ENPP1: variants seen among roughly 807,000 people sequenced by gnomAD.
ENPP1 encodes the protein ectonucleotide pyrophosphatase/phosphodiesterase 1.
Under a neutral mutation model 122.8 loss-of-function variants are expected in ENPP1, and 73 were observed. That is an observed-to-expected ratio of 0.59 (90% CI 0.49 to 0.72). The LOEUF (loss-of-function observed/expected upper bound fraction) is 0.72, where lower values mean the gene tolerates loss of function less well. ENPP1 is among the 30% of genes least tolerant of loss of function. ENPP1 has a pLI of 0.00. For synonymous variants in ENPP1, 367 were observed against 391.6 expected, an observed-to-expected ratio of 0.94 and a Z score of 0.74; for missense variants, 978 against 1,128.1, an observed-to-expected ratio of 0.87 and a Z score of 1.91.
intron 6 of ENPP1, among the ~76,000 whole-genome samples, chr6:131,855,956 T>C (rs1237951639): frequency 6.6e-6 from 1 of 152,090 alleles, no homozygotes; most frequent in African/African-American, 2.4e-5. Context: ...TTTTCTGGAA[T>C]TCTAAAATAT....
intron 24 of ENPP1, among the ~76,000 whole-genome samples, chr6:131,890,049 C>CT (rs1014404898): frequency 1.3e-4 from 20 of 152,204 alleles, no homozygotes; most frequent in Middle Eastern, 3.4e-3. Flanking sequence ...TGTTTTCCCC[C>CT]TTTTTTTAAC....
At chr6:131,876,777 A>C (rs1374668382) in intron 17 of ENPP1, among the ~76,000 whole-genome samples, 1 of 152,230 alleles carries the variant, frequency 6.6e-6, no homozygotes, top group African/African-American at 2.4e-5. Flanking sequence ...AATATCAGAA[A>C]TTTTGTAGTG....
chr6:131,881,824 G>T (rs1209641359), intron 20 of ENPP1, among the ~76,000 whole-genome samples: 3 of 151,916 alleles, frequency 2.0e-5, no homozygotes, highest in African/African-American at 7.3e-5. Context: ...CTCAAGACCA[G>T]CCTTGCCAAC....
chr6:131,854,396 G>C (rs892049568), intron 5 of ENPP1, among the ~76,000 whole-genome samples: 6 of 152,100 alleles, frequency 3.9e-5, no homozygotes. Context: ...CTGAGGAACA[G>C]AGTGAGACTC....
chr6:131,873,101 C>G (rs1782183620), intron 15 of ENPP1, 51 bp downstream of exon 15: 3 of 1,599,844 alleles, frequency 1.9e-6, no homozygotes, highest in Non-Finnish European at 8.6e-7. Context: ...GTTAGTGATT[C>G]AGGGTAACCA....
At chr6:131,817,447 G>A (rs756290254) in intron 1 of ENPP1, among the ~76,000 whole-genome samples, 2 of 152,172 alleles carry the variant, frequency 1.3e-5, no homozygotes, top group Non-Finnish European at 2.9e-5. Flanking sequence ...CTTTATTAGT[G>A]TGAAGTCAAC....
chr6:131,823,086 G>C (rs144698780), intron 1 of ENPP1, among the ~76,000 whole-genome samples: 84 of 152,334 alleles, frequency 5.5e-4, no homozygotes, highest in African/African-American at 1.8e-3. Context: ...GCAGTGCTGA[G>C]TCTGTGACAT....
At position 131,816,065 on chromosome 6, in the gene ENPP1, G is replaced by A. The variant is rs1220976702; in HGVS notation, c.240+7790G>A. 3.3e-5 allele frequency among the ~76,000 whole-genome samples: 5 copies of A among 152,044 alleles called. No individual in the cohort carries two copies. In the South Asian group the frequency reaches 1.0e-3, roughly 32 times the overall value. On this transcript the variant is annotated intron_variant, in intron 1 of 24. Coordinates refer to ENST00000647893, the MANE Select transcript of ENPP1 (RefSeq NM_006208.3). Reference sequence around the variant, plus strand: ...ATCCAGCTGACTCTTTTTATCTTAAGTAGCAATGTTAAAGGTAAATGAAAA... The same window carrying A: ...ATCCAGCTGACTCTTTTTATCTTAAATAGCAATGTTAAAGGTAAATGAAAA...
chr6:131,877,866 A>AAAAAAAATATATATATAT (rs1562183349), intron 18 of ENPP1: 2 of 53,024 alleles, frequency 3.8e-5, no homozygotes, highest in African/African-American at 1.9e-4. Context: ...AAAAAAAAAA[A>AAAAAAAATATATATATAT]ATATATATAT....
intron 1 of ENPP1, among the ~76,000 whole-genome samples, chr6:131,834,938 A>G (rs1467594873): frequency 6.6e-6 from 1 of 152,220 alleles, no homozygotes; most frequent in Non-Finnish European, 1.5e-5. Context: ...TAGTTTCCAG[A>G]GAGAAGTAAA....
chr6:131,846,747 T>C (rs1339777628), intron 1 of ENPP1, among the ~76,000 whole-genome samples: 4 of 152,196 alleles, frequency 2.6e-5, no homozygotes, highest in Admixed American at 1.3e-4. Context: ...TAATATTTTA[T>C]TGAGGTGCCC....
At position 131,854,968 on chromosome 6, in the gene ENPP1, C is replaced by T. The variant is rs1781927194; in HGVS notation, c.660C>T (p.Phe220=). The T allele has an allele frequency of 6.2e-7, 1 of 1,613,606 alleles. No homozygotes were observed. Among genetic ancestry groups the T allele is most frequent in the African/African-American group, 1.3e-5 (1 of 74,962 alleles). ...PPTLLFSLDG[F]RAEYLHTWGG... Reference sequence around the variant, plus strand: ...CCCTCTTATTTTCTTTGGATGGATTCAGGGCAGAATATTTACACACTTGGG... The same window carrying T: ...CCCTCTTATTTTCTTTGGATGGATTTAGGGCAGAATATTTACACACTTGGG... Residue 220 remains phenylalanine, a synonymous_variant, in exon 6 of 25, where the codon TTC becomes TTT. Coordinates refer to ENST00000647893, the MANE Select transcript of ENPP1 (RefSeq NM_006208.3).
intron 15 of ENPP1, among the ~76,000 whole-genome samples, chr6:131,873,572 T>C (rs1222097240): frequency 3.3e-5 from 5 of 152,142 alleles, no homozygotes; most frequent in Admixed American, 3.3e-4. Context: ...ATACACGTTG[T>C]TTTTTCATTC....
At chr6:131,829,062 A>T (rs1781579418) in intron 1 of ENPP1, among the ~76,000 whole-genome samples, 1 of 152,252 alleles carries the variant, frequency 6.6e-6, no homozygotes, top group Admixed American at 6.5e-5. Context: ...TTTGTTTTTC[A>T]TCTCTGACCC....
chr6:131,859,247 C>T (rs941928916), intron 7 of ENPP1, among the ~76,000 whole-genome samples: 4 of 152,056 alleles, frequency 2.6e-5, no homozygotes, highest in African/African-American at 9.7e-5. Flanking sequence ...AGAATTGAAG[C>T]CAGAAAATTA....
At chr6:131,818,635 G>A (rs1209040935) in intron 1 of ENPP1, among the ~76,000 whole-genome samples, 3 of 131,178 alleles carry the variant, frequency 2.3e-5, no homozygotes, top group East Asian at 2.2e-4. Context: ...GTGACACAGC[G>A]AGACTCTGTC....
At chr6:131,869,778 C>A (rs1170562791) in intron 13 of ENPP1, among the ~76,000 whole-genome samples, 1 of 150,022 alleles carries the variant, frequency 6.7e-6, no homozygotes, top group East Asian at 2.0e-4. Context: ...ATCGCTTGAA[C>A]CCAGGAGGCG....
chr6:131,879,158 G>A (rs1184825055), intron 19 of ENPP1, among the ~76,000 whole-genome samples: 2 of 152,114 alleles, frequency 1.3e-5, no homozygotes, highest in Admixed American at 6.6e-5. Flanking sequence ...CATTAGTTCT[G>A]ATGTAAGTTT....
chr6:131,856,998 T>C (rs2114698365), intron 6 of ENPP1, among the ~76,000 whole-genome samples: 1 of 152,108 alleles, frequency 6.6e-6, no homozygotes, highest in East Asian at 1.9e-4. Flanking sequence ...CATATGAACT[T>C]TAAAGTAGTT....
Sources: allele counts gnomAD v4.1 joint callset (sites outside exome capture counted in the v4.1 genomes callset), GRCh38; gene constraint gnomAD v4.1.1; transcripts MANE v1.5; gene names NCBI Gene and HGNC (gene_info 2026-07-23, HGNC 2026-07-21).